Variants in FRZB observed in about 807,000 individuals in gnomAD.
FRZB encodes secreted frizzled-related protein 3.
FRZB carries 34 observed loss-of-function variants against 32.5 expected under a neutral mutation model. That is an observed-to-expected ratio of 1.05 (90% CI 0.80 to 1.39). The LOEUF is 1.39. Ranked by LOEUF, FRZB falls within the 40% of genes most tolerant of loss-of-function variation. The pLI is 0.00. For synonymous variants in FRZB, 170 were observed against 159.2 expected (o/e 1.07, Z -0.51); for missense variants, 423 against 424.8 (o/e 1.00, Z 0.04).
At chr2:182,847,059 C>T (rs932334907) in intron 2 of FRZB, among the ~76,000 whole-genome samples, 1 of 152,136 alleles carries the variant, frequency 6.6e-6, no homozygotes, top group African/African-American at 2.4e-5. Flanking sequence ...ACATTCCAGG[C>T]TCTGTGATAG....
rs988413628 is a variant in FRZB at position 182,858,818 on chromosome 2, G to A, written c.494C>T (p.Ser165Phe). ...TGCCCCTCTACAGTTTCCGTTACTA[G>A]AATCCATAGGAAAATCTGAAAGGAG... ...TADGADFPMD[S>F]SNGNCRGASS... The change falls in exon 2 of 6, where the codon TCT becomes TTT. Residue 165 changes from serine to phenylalanine, a missense_variant. By Grantham distance (155) the Ser-to-Phe change is radical. Coordinates refer to ENST00000295113, the MANE Select transcript of FRZB (RefSeq NM_001463.4). 3.1e-6 allele frequency: 5 copies of A among 1,609,190 alleles called. No homozygotes were observed. Among genetic ancestry groups the A allele is most frequent in the African/African-American group, 1.3e-5 (1 of 74,754 alleles).
At chr2:182,865,159 C>T (rs543150335) in intron 1 of FRZB, among the ~76,000 whole-genome samples, 61 of 151,866 alleles carry the variant, frequency 4.0e-4, no homozygotes, top group Non-Finnish European at 8.1e-4. Flanking sequence ...GGTTGGTGCA[C>T]ACACGGAAAA....
At chr2:182,843,563 C>T (rs557584184) in intron 2 of FRZB, among the ~76,000 whole-genome samples, 2 of 152,142 alleles carry the variant, frequency 1.3e-5, no homozygotes, top group South Asian at 4.2e-4. Context: ...TCTTTTGACA[C>T]AGAAAGGAAA....
At chr2:182,861,733 C>G (rs1241792178) in intron 1 of FRZB, among the ~76,000 whole-genome samples, 1 of 152,168 alleles carries the variant, frequency 6.6e-6, no homozygotes, top group Non-Finnish European at 1.5e-5. Context: ...TCTCCTCATT[C>G]TAGACACCAA....
At position 182,838,600 on chromosome 2, in the gene FRZB, T is replaced by A; in HGVS notation, c.606A>T (p.Lys202Asn). The change falls in exon 4 of 6, where the codon AAA becomes AAT. Residue 202 changes from lysine (K) to asparagine (N), a missense_variant. By Grantham distance (94) the Lys-to-Asn change is moderately conservative (BLOSUM62 0). Transcript: ENST00000295113. ...RNNYNYVIRA[K>N]VKEIKTKCHD... ...GGCACTTAGTCTTTATCTCTTTAAC[T>A]TTAGCCCGAATGACTGGGATAAAAG... The A allele has an allele frequency of 6.2e-7, 1 of 1,612,252 alleles. No individual in the cohort carries two copies. Among genetic ancestry groups the A allele is most frequent in the East Asian group, 2.2e-5 (1 of 44,850 alleles).
chr2:182,855,665 A>G (rs527248067), intron 2 of FRZB, among the ~76,000 whole-genome samples: 1 of 152,180 alleles, frequency 6.6e-6, no homozygotes, highest in Non-Finnish European at 1.5e-5. Flanking sequence ...GTGGAACAAT[A>G]TCAGAAGATC....
chr2:182,837,912 T>C, intron 5 of FRZB, 36 bp downstream of exon 5: 1 of 1,539,768 alleles, frequency 6.5e-7, no homozygotes, highest in South Asian at 1.1e-5. Flanking sequence ...TGTTTTGTTT[T>C]CTGTGTATTA....
chr2:182,845,822 C>A (rs1695633369), intron 2 of FRZB, among the ~76,000 whole-genome samples: 1 of 152,198 alleles, frequency 6.6e-6, no homozygotes, highest in Admixed American at 6.5e-5. Flanking sequence ...TCTAGTGACT[C>A]TCCTAATACT....
At chr2:182,835,916 C>G (rs1485318218) in intron 5 of FRZB, among the ~76,000 whole-genome samples, 1 of 152,074 alleles carries the variant, frequency 6.6e-6, no homozygotes, top group Non-Finnish European at 1.5e-5. Context: ...GTTTCTTGAA[C>G]TTACTAGACC....
chr2:182,843,505 A>C (rs1574983676), intron 2 of FRZB, among the ~76,000 whole-genome samples: 1 of 152,346 alleles, frequency 6.6e-6, no homozygotes, highest in Non-Finnish European at 1.5e-5. Context: ...ATTTCTTTAA[A>C]TAATGCCCCT....
chr2:182,844,180 C>T lies in FRZB; in HGVS notation c.527-1637G>A, dbSNP rs561968047. 9.9e-5 allele frequency among the ~76,000 whole-genome samples: 15 copies of T among 152,240 alleles called. No individual in the cohort carries two copies. The South Asian group carries it at 3.1e-3, about 32-fold the overall frequency. On this transcript the variant is annotated intron_variant, in intron 2 of 5. Transcript: ENST00000295113. Reference sequence around the variant, plus strand: ...GACAGAAATGAGAATTCCTCAATACCACACACAGCTCCTTCCCTTGTTCTC... The same window carrying T: ...GACAGAAATGAGAATTCCTCAATACTACACACAGCTCCTTCCCTTGTTCTC...
rs1453651638 is a variant in FRZB at position 182,834,860 on chromosome 2, C to T, written c.967G>A (p.Ala323Thr). Residue 323 changes from alanine (A) to threonine (T), a missense_variant, in exon 6 of 6, where the codon GCA (alanine) becomes ACA (threonine). Transcript: ENST00000295113. ...KSGRNSNPRQ[A>T]RN ...TTGTATTTCGGGATTTAGTTGCGTG[C>T]TTGCCGGGGGTTCGAGTTCCTGCCA... The T allele has an allele frequency of 6.2e-7, 1 of 1,612,742 alleles. No homozygotes were observed. Among genetic ancestry groups the T allele is most frequent in the Admixed American group, 1.7e-5 (1 of 59,928 alleles).
At position 182,860,163 on chromosome 2, in the gene FRZB, T is replaced by A. The variant is rs902269243; in HGVS notation, c.479-1330A>T. 1.6e-4 allele frequency among the ~76,000 whole-genome samples: 24 copies of A among 152,222 alleles called. 1 individual carries two copies. The highest frequency in any genetic ancestry group is 1.4e-3 in the Admixed American group (21 of 15,282). ...AAGGAGAGTGTTTTACTTCTTCCAT[T>A]CTTATTCAAAGGAAAATGTTTCTAC... On this transcript the variant is annotated intron_variant, in intron 1 of 5. Coordinates refer to ENST00000295113, the MANE Select transcript of FRZB (RefSeq NM_001463.4).
At chr2:182,863,124 A>G (rs1695852159) in intron 1 of FRZB, among the ~76,000 whole-genome samples, 1 of 152,188 alleles carries the variant, frequency 6.6e-6, no homozygotes, top group African/African-American at 2.4e-5. Flanking sequence ...CTAATTTTAC[A>G]GATAAGAAAA....
intron 2 of FRZB, among the ~76,000 whole-genome samples, chr2:182,852,516 T>C (rs975402748): frequency 4.6e-5 from 7 of 152,240 alleles, no homozygotes; most frequent in Non-Finnish European, 1.0e-4. Context: ...CACATTTATA[T>C]ATTTAGTGTC....
At chr2:182,860,362 T>C (rs1695817607) in intron 1 of FRZB, among the ~76,000 whole-genome samples, 1 of 152,132 alleles carries the variant, frequency 6.6e-6, no homozygotes, top group African/African-American at 2.4e-5. Context: ...AAGATTTGCA[T>C]TTCAGAAAAA....
At chr2:182,856,097 T>G (rs540593019) in intron 2 of FRZB, among the ~76,000 whole-genome samples, 96 of 151,820 alleles carry the variant, frequency 6.3e-4, no homozygotes, top group African/African-American at 2.2e-3. Flanking sequence ...AAAAAAGAAG[T>G]TTTTGCCAGC....
chr2:182,853,460 G>A (rs1008913886), intron 2 of FRZB, among the ~76,000 whole-genome samples: 54 of 152,274 alleles, frequency 3.5e-4, no homozygotes, highest in African/African-American at 1.2e-3. Flanking sequence ...AAACATAATA[G>A]AAGGAGTGAC....
chr2:182,865,835 T>C (rs1695883593), intron 1 of FRZB, among the ~76,000 whole-genome samples: 1 of 152,212 alleles, frequency 6.6e-6, no homozygotes, highest in Non-Finnish European at 1.5e-5. Context: ...TTTAGAAAGA[T>C]CGCCTATTGG....
Sources: allele counts gnomAD v4.1 joint callset (sites outside exome capture counted in the v4.1 genomes callset), GRCh38; gene constraint gnomAD v4.1.1; transcripts MANE v1.5; gene names NCBI Gene and HGNC (gene_info 2026-07-23, HGNC 2026-07-21).